The following APBB1IP variants were observed in gnomAD, a reference collection of about 807,000 sequenced individuals.
APBB1IP encodes amyloid beta A4 precursor protein-binding family B member 1-interacting protein.
APBB1IP carries 27 observed loss-of-function variants against 64.9 expected under a neutral mutation model. The ratio of observed to expected loss-of-function variants is 0.42; its 90% CI spans 0.31 to 0.57. The LOEUF (loss-of-function observed/expected upper bound fraction) is 0.57. Ranked by LOEUF, APBB1IP falls within the 20% of genes least tolerant of loss-of-function variation. The pLI, the probability that APBB1IP is intolerant of heterozygous loss-of-function variation, is 0.20. For synonymous variants in APBB1IP, 392 were observed against 331.0 expected (o/e 1.18, Z -2.00); for missense variants, 812 against 845.5 (o/e 0.96, Z 0.49).
intron 4 of APBB1IP, among the ~76,000 whole-genome samples, chr10:26,498,656 C>G (rs533485718): frequency 5.5e-4 from 84 of 152,278 alleles, no homozygotes; most frequent in African/African-American, 1.9e-3. Flanking sequence ...AAAATTTAAT[C>G]AATATTTCAA....
chr10:26,488,925 C>G (rs576916799), intron 2 of APBB1IP, among the ~76,000 whole-genome samples: 1 of 152,312 alleles, frequency 6.6e-6, no homozygotes, highest in African/African-American at 2.4e-5. Context: ...CTCCTTGTCC[C>G]ATGTGTATGT....
At chr10:26,501,362 A>G (rs1399316851) in intron 5 of APBB1IP, 2 of 551,056 alleles carry the variant, frequency 3.6e-6, no homozygotes, top group Non-Finnish European at 3.2e-6. Flanking sequence ...TTGTATGCAA[A>G]AACTATTTGA....
At chr10:26,523,226 C>G (rs571246775) in intron 8 of APBB1IP, among the ~76,000 whole-genome samples, 1 of 152,242 alleles carries the variant, frequency 6.6e-6, no homozygotes, top group Admixed American at 6.5e-5. Flanking sequence ...TAGATGGGAA[C>G]AGAAGAATGC....
intron 2 of APBB1IP, among the ~76,000 whole-genome samples, chr10:26,444,291 G>A (rs760012401): frequency 6.6e-6 from 1 of 152,174 alleles, no homozygotes; most frequent in Non-Finnish European, 1.5e-5. Flanking sequence ...AGCAGATCAC[G>A]TGGGGTTCCA....
intron 10 of APBB1IP, among the ~76,000 whole-genome samples, chr10:26,538,709 A>T (rs968219542): frequency 2.6e-5 from 4 of 151,946 alleles, no homozygotes; most frequent in Non-Finnish European, 4.4e-5. Context: ...AAAGTTATTA[A>T]TTCTTCCCAG....
intron 2 of APBB1IP, among the ~76,000 whole-genome samples, chr10:26,469,024 A>G: frequency 6.6e-6 from 1 of 151,788 alleles, no homozygotes; most frequent in East Asian, 1.9e-4. Flanking sequence ...CACTTCTAAC[A>G]TAAACCACAA....
At chr10:26,473,717 C>T (rs1835745407) in intron 2 of APBB1IP, among the ~76,000 whole-genome samples, 1 of 152,024 alleles carries the variant, frequency 6.6e-6, no homozygotes, top group African/African-American at 2.4e-5. Context: ...AACATACATT[C>T]TTGGCCAGGC....
intron 2 of APBB1IP, among the ~76,000 whole-genome samples, chr10:26,456,737 TAAAAAAAAAA>T (rs9299824): frequency 3.3e-5 from 3 of 90,704 alleles, no homozygotes; most frequent in African/African-American, 1.4e-4. Flanking sequence ...AGAACCTGTC[TAAAAAAAAAA>T]AAAAAAAAAA....
intron 11 of APBB1IP, among the ~76,000 whole-genome samples, chr10:26,558,124 A>C (rs886737198): frequency 9.3e-6 from 1 of 107,950 alleles, no homozygotes; most frequent in Non-Finnish European, 1.8e-5. Flanking sequence ...GTGGTACCAT[A>C]CCACACACAC....
intron 11 of APBB1IP, among the ~76,000 whole-genome samples, chr10:26,549,733 C>T (rs891736337): frequency 3.3e-5 from 5 of 151,648 alleles, no homozygotes; most frequent in African/African-American, 1.2e-4. Flanking sequence ...AAAGGTTTCT[C>T]AATTTTATTT....
chr10:26,483,578 T>A (rs1052740115), intron 2 of APBB1IP, among the ~76,000 whole-genome samples: 3 of 152,224 alleles, frequency 2.0e-5, no homozygotes, highest in Non-Finnish European at 4.4e-5. Flanking sequence ...AGGAGTTTTC[T>A]TCTTGGTAGA....
chr10:26,468,820 G>A (rs577067131), intron 2 of APBB1IP, among the ~76,000 whole-genome samples: 8 of 152,276 alleles, frequency 5.3e-5, no homozygotes, highest in Non-Finnish European at 5.9e-5. Flanking sequence ...GGAACCCTCC[G>A]ATGTCACTGC....
At chr10:26,481,667 G>A (rs1175012126) in intron 2 of APBB1IP, among the ~76,000 whole-genome samples, 1 of 151,796 alleles carries the variant, frequency 6.6e-6, no homozygotes, top group Non-Finnish European at 1.5e-5. Context: ...TTGGCAGAGG[G>A]GATAGAGATG....
At chr10:26,519,647 T>G (rs1836379312) in intron 8 of APBB1IP, among the ~76,000 whole-genome samples, 1 of 152,204 alleles carries the variant, frequency 6.6e-6, no homozygotes, top group African/African-American at 2.4e-5. Flanking sequence ...TACTGTAACA[T>G]AGCGGGAAGC....
intron 9 of APBB1IP, among the ~76,000 whole-genome samples, chr10:26,534,230 G>A (rs1472156288): frequency 6.6e-6 from 1 of 150,464 alleles, no homozygotes; most frequent in Non-Finnish European, 1.5e-5. Flanking sequence ...GGAAGCTGAG[G>A]TGGGAGGATC....
At chr10:26,556,947 G>A (rs1174648200) in intron 11 of APBB1IP, among the ~76,000 whole-genome samples, 1 of 152,168 alleles carries the variant, frequency 6.6e-6, no homozygotes, top group East Asian at 1.9e-4. Context: ...AAGGGCATTG[G>A]TTTGGCTTTG....
chr10:26,561,251 G>A (rs1202366768), intron 13 of APBB1IP, among the ~76,000 whole-genome samples: 1 of 150,862 alleles, frequency 6.6e-6, no homozygotes, highest in Non-Finnish European at 1.5e-5. Flanking sequence ...TGTATTTTTA[G>A]TAGAGACAGG....
intron 8 of APBB1IP, among the ~76,000 whole-genome samples, chr10:26,514,610 A>C (rs890593218): frequency 6.6e-6 from 1 of 152,158 alleles, no homozygotes; most frequent in Non-Finnish European, 1.5e-5. Context: ...TCTTTTTGAA[A>C]ATCAAAGAAT....
At chr10:26,551,330 C>T (rs12571937) in intron 11 of APBB1IP, among the ~76,000 whole-genome samples, 8 of 152,126 alleles carry the variant, frequency 5.3e-5, no homozygotes, top group Admixed American at 2.0e-4. Flanking sequence ...AGTGTGAGTC[C>T]GGGGGGACTT....
Sources: allele counts gnomAD v4.1 joint callset (sites outside exome capture counted in the v4.1 genomes callset), GRCh38; gene constraint gnomAD v4.1.1; transcripts MANE v1.5; gene names NCBI Gene and HGNC (gene_info 2026-07-23, HGNC 2026-07-21).